CDH23: variants seen among roughly 807,000 people sequenced by gnomAD.
The protein encoded by CDH23 is cadherin related 23, also known as cadherin-23.
In CDH23, 189 loss-of-function variants were observed where a neutral mutation model predicts 317.1. That is an observed-to-expected ratio of 0.60 (90% CI 0.53 to 0.67). The LOEUF is 0.67. CDH23 is among the 30% of genes least tolerant of loss of function. The pLI is 0.00. For synonymous variants in CDH23, 1,839 were observed against 1,876.8 expected (o/e 0.98, Z 0.52); for missense variants, 4,401 against 4,592.4 (o/e 0.96, Z 1.20).
chr10:71,665,738 C>T (rs1863864952), intron 14 of CDH23, among the ~76,000 whole-genome samples: 1 of 152,312 alleles, frequency 6.6e-6, no homozygotes, highest in African/African-American at 2.4e-5. Context: ...CAACGTCCCA[C>T]GTGCACGTAG....
rs147046707 is a variant in CDH23 at position 71,445,790 on chromosome 10, G to A, written c.68-528G>A. 9.5e-3 allele frequency among the ~76,000 whole-genome samples: 1,334 copies of A among 140,742 alleles called. 27 individuals carry two copies. Among genetic ancestry groups the A allele is most frequent in the Middle Eastern group, 0.029 (7 of 242 alleles). 92.3% of individuals were successfully genotyped at this position (140,742 alleles called of 152,430 possible). A position where few individuals can be genotyped will look rare whatever the true frequency, so the allele number is the denominator to read the frequency against. On this transcript the variant is annotated intron_variant, in intron 2 of 69. Coordinates refer to ENST00000224721, the MANE Select transcript of CDH23 (RefSeq NM_022124.6). Reference sequence around the variant, plus strand: ...TTTAGCTTGGGTGGTCCGGCCTGCCGTGAGCCATGATCACACTGCTACTCT... The same window carrying A: ...TTTAGCTTGGGTGGTCCGGCCTGCCATGAGCCATGATCACACTGCTACTCT...
intron 18 of CDH23, among the ~76,000 whole-genome samples, chr10:71,683,972 T>C (rs1343241536): frequency 3.3e-5 from 5 of 151,710 alleles, no homozygotes; most frequent in East Asian, 3.9e-4. Flanking sequence ...TCCCAGCTAC[T>C]TGGGAGGCTG....
At chr10:71,508,129 G>C (rs2132189532) in intron 3 of CDH23, 1 of 152,340 alleles carries the variant, frequency 6.6e-6, no homozygotes, top group Non-Finnish European at 1.5e-5. Context: ...TCTGCAAAAT[G>C]GATAGAATAA....
At chr10:71,452,750 A>G (rs943135256) in intron 3 of CDH23, among the ~76,000 whole-genome samples, 1 of 152,184 alleles carries the variant, frequency 6.6e-6, no homozygotes, top group African/African-American at 2.4e-5. Flanking sequence ...TAGTGTCTCT[A>G]TTATACAAGA....
chr10:71,572,606 T>C (rs143354538), intron 8 of CDH23, among the ~76,000 whole-genome samples: 593 of 152,286 alleles, frequency 3.9e-3, no homozygotes, highest in South Asian at 0.014. Context: ...TCCGCCCCTG[T>C]GCCTGCTCTT....
intron 14 of CDH23, among the ~76,000 whole-genome samples, chr10:71,664,559 A>G (rs1056755154): frequency 6.6e-6 from 1 of 152,238 alleles, no homozygotes; most frequent in Non-Finnish European, 1.5e-5. Flanking sequence ...CAGCAGCAGC[A>G]TGTTTGCAGA....
At chr10:71,556,338 T>C (rs370176661) in intron 6 of CDH23, among the ~76,000 whole-genome samples, 1 of 152,064 alleles carries the variant, frequency 6.6e-6, no homozygotes, top group Non-Finnish European at 1.5e-5. Flanking sequence ...CCATGGCTCA[T>C]GCCTGTAATC....
chr10:71,802,922 A>G lies in CDH23; in HGVS notation c.7507A>G (p.Asn2503Asp). 1 of 1,614,028 alleles carries G rather than the reference A, an allele frequency of 6.2e-7. No homozygotes were observed. ...VQVVIQVLDVNDCRPQFSKPQ... is the reference protein window; with the variant it reads ...VQVVIQVLDVDDCRPQFSKPQ... The stretch of plus-strand genomic sequence containing the variant: ...GGTGGTGATCCAAGTGCTGGATGTC[A>G]ATGACTGCCGGCCACAGTTCTCCAA... Residue 2503 changes from asparagine to aspartate, a missense_variant, in exon 54 of 70, where the codon AAT becomes GAT. Coordinates refer to ENST00000224721, the MANE Select transcript of CDH23 (RefSeq NM_022124.6).
At position 71,712,657 on chromosome 10, in the gene CDH23, TC is replaced by T; in HGVS notation, c.3221-5del. ...CTGCTAACACCTGTCTTCCTTCAACTCCCACAGACAACGGCCCTGTAGGGAA... is the reference window on the plus strand; with the variant it reads ...CTGCTAACACCTGTCTTCCTTCAACTCCACAGACAACGGCCCTGTAGGGAA... On this transcript the variant is annotated splice_region_variant and splice_polypyrimidine_tract_variant and intron_variant, in intron 27 of 69. Transcript: ENST00000224721. 1.2e-6 allele frequency: 2 copies of T among 1,612,776 alleles called. No individual in the cohort carries two copies. The highest frequency in any genetic ancestry group is 1.7e-6 in the Non-Finnish European group (2 of 1,179,300).
intron 21 of CDH23, among the ~76,000 whole-genome samples, chr10:71,694,731 C>T (rs562370198): frequency 4.6e-5 from 7 of 152,240 alleles, no homozygotes; most frequent in Admixed American, 2.0e-4. Context: ...CTCGAATGAG[C>T]TCTCGGCTGC....
chr10:71,532,329 G>A (rs773422457), intron 6 of CDH23, among the ~76,000 whole-genome samples: 88 of 152,356 alleles, frequency 5.8e-4, no homozygotes, highest in Non-Finnish European at 1.0e-3. Flanking sequence ...TCCTGGCTGC[G>A]TCTAAGGGAG....
At position 71,741,854 on chromosome 10, in the gene CDH23, A is replaced by T. The variant is rs2132847940; in HGVS notation, c.4778A>T (p.Asp1593Val). Residue 1593 changes from aspartate to valine, a missense_variant, in exon 38 of 70, where the codon GAC becomes GTC. Asp to Val is a radical substitution (Grantham distance 152). Around this residue, in one of 3 missense-constraint regions of CDH23, gnomAD observed 3,068 missense variants for 3,203.3 expected, o/e 0.96. Coordinates refer to ENST00000224721, the MANE Select transcript of CDH23 (RefSeq NM_022124.6). ...ATCGCCACACGGCCTGCCCCGCCTGACCGCGAGCGCCAGAGCTTCTACCAC... is the reference window on the plus strand; with the variant it reads ...ATCGCCACACGGCCTGCCCCGCCTGTCCGCGAGCGCCAGAGCTTCTACCAC... ...GEIATRPAPPDRERQSFYHLV... is the reference protein window; with the variant it reads ...GEIATRPAPPVRERQSFYHLV... 1 of 1,611,232 alleles carries T rather than the reference A, an allele frequency of 6.2e-7. No homozygotes were observed. The highest frequency in any genetic ancestry group is 8.5e-7 in the Non-Finnish European group (1 of 1,179,022).
At chr10:71,666,444 C>G (rs1863899987) in intron 14 of CDH23, among the ~76,000 whole-genome samples, 1 of 152,178 alleles carries the variant, frequency 6.6e-6, no homozygotes, top group Admixed American at 6.5e-5. Flanking sequence ...TGGCCACCCC[C>G]AGGAATGCCC....
intron 3 of CDH23, among the ~76,000 whole-genome samples, chr10:71,492,431 A>G (rs930742718): frequency 1.1e-4 from 17 of 152,172 alleles, no homozygotes; most frequent in Non-Finnish European, 2.2e-4. Context: ...ATCCATCCCA[A>G]TTAGGCAGAC....
chr10:71,528,094 G>C (rs950538364), intron 6 of CDH23, among the ~76,000 whole-genome samples: 1 of 152,192 alleles, frequency 6.6e-6, no homozygotes, highest in African/African-American at 2.4e-5. Flanking sequence ...GTGTGTAATG[G>C]CATGTAAACC....
intron 14 of CDH23, among the ~76,000 whole-genome samples, chr10:71,666,190 C>T (rs567348011): frequency 1.1e-4 from 17 of 152,140 alleles, no homozygotes; most frequent in South Asian, 8.3e-4. Flanking sequence ...TTTGAGCCTC[C>T]AGCCCAGCCC....
Position 71,702,439 on chromosome 10 carries a change from A to T in CDH23, c.2588-110A>T, listed in dbSNP as rs770647232. 867 of 1,405,066 alleles carry T rather than the reference A, an allele frequency of 6.2e-4. 1 individual carries two copies. Among genetic ancestry groups the T allele is most frequent in the Middle Eastern group, 1.5e-3 (8 of 5,202 alleles). The allele number at this position is 1,405,066 out of a possible 1,614,324, so 87.0% of individuals were successfully genotyped here. A position where few individuals can be genotyped will look rare whatever the true frequency, so the allele number is the denominator to read the frequency against. Reference sequence around the variant, plus strand: ...GCTGCTTCCTGGAGGGGCCTTTGGGATGGAGGGCTCTGAATCTGCCACCCT... The same window carrying T: ...GCTGCTTCCTGGAGGGGCCTTTGGGTTGGAGGGCTCTGAATCTGCCACCCT... On this transcript the variant is annotated intron_variant, in intron 23 of 69. Transcript: ENST00000224721.
At chr10:71,760,813 G>T (rs1457198693) in intron 38 of CDH23, 8 of 1,546,018 alleles carry the variant, frequency 5.2e-6, no homozygotes, top group Non-Finnish European at 6.3e-6. Context: ...CTGGGTGCAG[G>T]ATGAGGACAG....
At chr10:71,672,060 G>A (rs781513426) in intron 14 of CDH23, among the ~76,000 whole-genome samples, 3 of 152,138 alleles carry the variant, frequency 2.0e-5, no homozygotes, top group South Asian at 2.1e-4. Flanking sequence ...TGGGGGAGAC[G>A]CACGTTAACC....
Sources: allele counts gnomAD v4.1 joint callset (sites outside exome capture counted in the v4.1 genomes callset), GRCh38; gene constraint gnomAD v4.1.1; regional missense constraint gnomAD v4.1.1; transcripts MANE v1.5; gene names NCBI Gene and HGNC (gene_info 2026-07-23, HGNC 2026-07-21).